The following CNTN6 variants were observed in gnomAD, a reference collection of about 807,000 sequenced individuals.
CNTN6 encodes the protein contactin-6.
CNTN6 carries 137 observed loss-of-function variants against 122.8 expected under a neutral mutation model. The ratio of observed to expected loss-of-function variants is 1.12; its 90% confidence interval spans 0.97 to 1.29. CNTN6 has a LOEUF of 1.29. Among genes scored for constraint, CNTN6 ranks in the 50% most tolerant of loss-of-function variants. The probability of loss-of-function intolerance (pLI) is 0.00; values close to 1 mark genes in which losing one functional copy is unlikely to be tolerated. For synonymous variants in CNTN6, 570 were observed against 426.0 expected (o/e 1.34, Z -4.16); for missense variants, 1,634 against 1,223.4 (o/e 1.34, Z -5.01).
chr3:1,244,126 G>A (rs1256609472), intron 4 of CNTN6, among the ~76,000 whole-genome samples: 3 of 152,150 alleles, frequency 2.0e-5, no homozygotes, highest in African/African-American at 7.2e-5. Flanking sequence ...TTGTACTGGG[G>A]CCAAGCGGTG....
At chr3:1,397,296 TA>T (rs1176564421) in intron 20 of CNTN6, among the ~76,000 whole-genome samples, 1 of 152,144 alleles carries the variant, frequency 6.6e-6, no homozygotes. Context: ...AACTAAGATG[TA>T]CATAAGGAGC....
chr3:1,146,225 A>G (rs1228682321), intron 1 of CNTN6, among the ~76,000 whole-genome samples: 2 of 152,148 alleles, frequency 1.3e-5, no homozygotes, highest in African/African-American at 4.8e-5. Context: ...ATGCATTAAC[A>G]TGACCTAAAT....
intron 7 of CNTN6, among the ~76,000 whole-genome samples, chr3:1,303,234 T>G (rs958116764): frequency 2.0e-5 from 3 of 152,294 alleles, no homozygotes; most frequent in African/African-American, 7.2e-5. Flanking sequence ...TGTTCAATTT[T>G]AAATCCTCAG....
intron 20 of CNTN6, among the ~76,000 whole-genome samples, chr3:1,399,260 C>T (rs1695369968): frequency 6.6e-6 from 1 of 151,890 alleles, no homozygotes; most frequent in Non-Finnish European, 1.5e-5. Flanking sequence ...ATTGCAATAT[C>T]CTGTGAGAAT....
At chr3:1,203,759 T>A (rs1461646232) in intron 2 of CNTN6, among the ~76,000 whole-genome samples, 5 of 152,112 alleles carry the variant, frequency 3.3e-5, no homozygotes, top group South Asian at 4.1e-4. Context: ...AGATTTTTTT[T>A]AGAGTATTCT....
chr3:1,144,517 G>T (rs1010891262), intron 1 of CNTN6, among the ~76,000 whole-genome samples: 11 of 151,946 alleles, frequency 7.2e-5, no homozygotes, highest in Admixed American at 7.2e-4. Context: ...AGAGGTTGGA[G>T]TGAGCCAAGA....
In CNTN6 at chr3:1,342,821, T is replaced by C. The variant is rs536455885; in HGVS notation, c.1365-9503T>C. ...AAAAAATAATGATTAAGATTTGTTT[T>C]ATACACCAAGTCTTATCCTAGTGAT... is the stretch of plus-strand genomic sequence containing the variant. On this transcript the variant is annotated intron_variant, in intron 11 of 22. Coordinates refer to ENST00000446702, the MANE Select transcript of CNTN6 (RefSeq NM_001289080.2). Among the ~76,000 whole-genome samples, 9 of 152,306 alleles carry C rather than the reference T, an allele frequency of 5.9e-5. No homozygotes were observed. The East Asian group carries it at 1.5e-3, about 26-fold the overall frequency.
intron 20 of CNTN6, among the ~76,000 whole-genome samples, chr3:1,391,549 G>T (rs1255679712): frequency 7.4e-6 from 1 of 135,874 alleles, no homozygotes; most frequent in Non-Finnish European, 1.6e-5. Flanking sequence ...TGGAAGTTCT[G>T]GCCAGGGCAA....
At chr3:1,210,048 C>G in intron 2 of CNTN6, among the ~76,000 whole-genome samples, 1 of 152,086 alleles carries the variant, frequency 6.6e-6, no homozygotes, top group East Asian at 1.9e-4. Context: ...ACATAGCTGA[C>G]AAAGTTTACT....
chr3:1,297,509 A>G (rs370589905), intron 6 of CNTN6, among the ~76,000 whole-genome samples: 2 of 152,134 alleles, frequency 1.3e-5, no homozygotes, highest in East Asian at 3.8e-4. Context: ...GAATATTTAC[A>G]TTTTTATCTC....
At position 1,372,832 on chromosome 3, in the gene CNTN6, C is replaced by T. The variant is rs755410995; in HGVS notation, c.1669-6C>T. 8.4e-6 allele frequency: 13 copies of T among 1,538,732 alleles called. No homozygotes were observed. In the African/African-American group the frequency reaches 1.2e-4, roughly 15 times the overall value. ...TTTTTATCCATTTCTCCCTTTCTGT[C>T]TGCAGGAATCTGTTGGGGATTTGAT... is the stretch of plus-strand genomic sequence containing the variant. On this transcript the variant is annotated splice_region_variant and splice_polypyrimidine_tract_variant and intron_variant, in intron 13 of 22. Transcript: ENST00000446702.
At chr3:1,345,875 A>C (rs973101629) in intron 11 of CNTN6, among the ~76,000 whole-genome samples, 2 of 152,268 alleles carry the variant, frequency 1.3e-5, no homozygotes, top group Admixed American at 1.3e-4. Flanking sequence ...CTACAGCATT[A>C]TCTTTAGACA....
intron 1 of CNTN6, among the ~76,000 whole-genome samples, chr3:1,135,286 A>G (rs2092443294): frequency 6.6e-6 from 1 of 152,284 alleles, no homozygotes; most frequent in Middle Eastern, 3.4e-3. Flanking sequence ...ACAGGCAACC[A>G]CATTTTCCTC....
chr3:1,285,277 G>C (rs1416169322), intron 5 of CNTN6, among the ~76,000 whole-genome samples: 2 of 152,142 alleles, frequency 1.3e-5, no homozygotes, highest in Non-Finnish European at 2.9e-5. Flanking sequence ...TAACTCCAAG[G>C]ATTTGGGACC....
intron 20 of CNTN6, among the ~76,000 whole-genome samples, chr3:1,399,329 T>G (rs887598537): frequency 6.7e-5 from 10 of 149,536 alleles, no homozygotes; most frequent in African/African-American, 2.4e-4. Flanking sequence ...GGAGGATAAG[T>G]TGAGGAAGGA....
At chr3:1,370,656 C>A (rs2126133730) in intron 12 of CNTN6, among the ~76,000 whole-genome samples, 1 of 152,124 alleles carries the variant, frequency 6.6e-6, no homozygotes, top group South Asian at 2.1e-4. Context: ...TTGAGACCAC[C>A]TGGCCAACAT....
At chr3:1,347,998 T>A (rs1289090474) in intron 11 of CNTN6, among the ~76,000 whole-genome samples, 1 of 151,784 alleles carries the variant, frequency 6.6e-6, no homozygotes, top group Non-Finnish European at 1.5e-5. Flanking sequence ...GTTATAGATA[T>A]GCCTACATTC....
intron 1 of CNTN6, among the ~76,000 whole-genome samples, chr3:1,146,224 C>T (rs1313641150): frequency 6.6e-6 from 1 of 152,112 alleles, no homozygotes; most frequent in African/African-American, 2.4e-5. Context: ...TATGCATTAA[C>T]ATGACCTAAA....
At chr3:1,145,440 T>C (rs2125158921) in intron 1 of CNTN6, among the ~76,000 whole-genome samples, 1 of 151,954 alleles carries the variant, frequency 6.6e-6, no homozygotes, top group South Asian at 2.1e-4. Flanking sequence ...AGGGAGATGG[T>C]TCCTCAAAAG....
Sources: allele counts gnomAD v4.1 joint callset (sites outside exome capture counted in the v4.1 genomes callset), GRCh38; gene constraint gnomAD v4.1.1; transcripts MANE v1.5; gene names NCBI Gene and HGNC (gene_info 2026-07-23, HGNC 2026-07-21).